Variants in DENND4C observed in about 807,000 individuals in gnomAD.
DENND4C encodes the protein DENN domain containing 4C, also known as DENN domain-containing protein 4C.
Under a neutral mutation model 203.0 loss-of-function variants are expected in DENND4C, and 108 were observed. That is an observed-to-expected ratio of 0.53 (90% CI 0.46 to 0.62). The LOEUF (loss-of-function observed/expected upper bound fraction) is 0.62. DENND4C is among the 20% of genes least tolerant of loss of function. The pLI is 0.00. For synonymous variants in DENND4C, 871 were observed against 792.4 expected (o/e 1.10, Z -1.67); for missense variants, 2,481 against 2,301.2 (o/e 1.08, Z -1.60).
Position 19,352,513 on chromosome 9 carries a change from G to A in DENND4C, c.4629G>A (p.Gln1543=), listed in dbSNP as rs140547280. ...AGGTTTTGATGTCCAGTTGTTCACA[G>A]TGTAGAGCTTGTGGAGCTTTAGTTT... is the stretch of plus-strand genomic sequence containing the variant. ...AMEVLMSSCS[Q]CRACGALVYD... is the part of the protein sequence containing the mutation. The change falls in exon 26 of 33, where the codon CAG becomes CAA. Residue 1543 remains glutamine, a synonymous_variant. Transcript: ENST00000434457. 5 of 1,612,506 alleles carry A rather than the reference G, an allele frequency of 3.1e-6. No individual in the cohort carries two copies. In the South Asian group the frequency reaches 3.3e-5, roughly 11 times the overall value.
At chr9:19,321,660 C>T (rs912510116) in intron 12 of DENND4C, among the ~76,000 whole-genome samples, 1 of 151,756 alleles carries the variant, frequency 6.6e-6, no homozygotes, top group Non-Finnish European at 1.5e-5. Flanking sequence ...GCCTGGCAAA[C>T]ATGGCGAAAC....
chr9:19,332,140 G>A lies in DENND4C; in HGVS notation c.2416G>A (p.Val806Ile), dbSNP rs1819361256. The change falls in exon 17 of 33, where the codon GTA becomes ATA. Residue 806 changes from valine (V) to isoleucine (I), a missense_variant. Coordinates refer to ENST00000434457, the MANE Select transcript of DENND4C (RefSeq NM_001330640.2). ...KVRALQQAYD[V>I]LIKMRKTDVD... ...CAGAGCACTTCAGCAGGCATATGAT[G>A]TACTTATTAAGATGAGGAAAACAGA... is the stretch of plus-strand genomic sequence containing the variant. 5.6e-6 allele frequency: 9 copies of A among 1,614,010 alleles called. No homozygotes were observed. Among genetic ancestry groups the A allele is most frequent in the Middle Eastern group, 1.7e-4 (1 of 6,060 alleles).
At chr9:19,236,239 G>A (rs1335823106) in intron 1 of DENND4C, among the ~76,000 whole-genome samples, 3 of 152,106 alleles carry the variant, frequency 2.0e-5, no homozygotes, top group Admixed American at 6.6e-5. Context: ...AGGTTAAACA[G>A]CCCTATAAAT....
At chr9:19,244,088 T>C (rs1040606461) in intron 1 of DENND4C, among the ~76,000 whole-genome samples, 1 of 152,248 alleles carries the variant, frequency 6.6e-6, no homozygotes, top group East Asian at 1.9e-4. Flanking sequence ...TGAAGTGCAG[T>C]GGCGCAATCT....
chr9:19,347,111 C>G, intron 23 of DENND4C, 25 bp downstream of exon 23: 2 of 1,581,364 alleles, frequency 1.3e-6, no homozygotes, highest in African/African-American at 1.4e-5. Context: ...TGTGTGTAGT[C>G]TGTCTGCTAT....
At chr9:19,276,522 T>C in intron 2 of DENND4C, 43 bp downstream of exon 2, 1 of 1,133,070 alleles carries the variant, frequency 8.8e-7, no homozygotes, top group Non-Finnish European at 1.1e-6. Context: ...GGAGTAAAAT[T>C]TATTTAAGGG....
chr9:19,342,824 T>C (rs1010651208), intron 22 of DENND4C, 45 bp downstream of exon 22: 2 of 1,445,324 alleles, frequency 1.4e-6, no homozygotes, highest in African/African-American at 2.9e-5. Context: ...AATATACTTT[T>C]ATAGACTCAT....
At chr9:19,247,516 C>T (rs1825587559) in intron 1 of DENND4C, among the ~76,000 whole-genome samples, 1 of 152,188 alleles carries the variant, frequency 6.6e-6, no homozygotes, top group African/African-American at 2.4e-5. Context: ...CTGCCTCAGC[C>T]TCCTGAGTAG....
chr9:19,299,021 A>G (rs1325764179), intron 7 of DENND4C, among the ~76,000 whole-genome samples: 1 of 152,158 alleles, frequency 6.6e-6, no homozygotes, highest in Admixed American at 6.5e-5. Flanking sequence ...CATTTAATGA[A>G]AAAGAACTAA....
intron 26 of DENND4C, among the ~76,000 whole-genome samples, chr9:19,354,867 T>TGTTCTA (rs1825028584): frequency 3.3e-5 from 5 of 151,398 alleles, no homozygotes; most frequent in Non-Finnish European, 7.4e-5. Context: ...TTTCTATGAA[T>TGTTCTA]TGGTTGCTTA....
At chr9:19,351,175 T>G (rs991802530) in intron 24 of DENND4C, among the ~76,000 whole-genome samples, 4 of 152,220 alleles carry the variant, frequency 2.6e-5, no homozygotes, top group African/African-American at 9.7e-5. Flanking sequence ...ATTCTGATCT[T>G]GTATGATTTA....
intron 5 of DENND4C, among the ~76,000 whole-genome samples, chr9:19,292,953 A>G (rs775932062): frequency 6.6e-6 from 1 of 152,244 alleles, no homozygotes; most frequent in Non-Finnish European, 1.5e-5. Context: ...ACCTCATTCT[A>G]CAGGTACAGG....
rs1752639371 is a variant in DENND4C at position 19,291,021 on chromosome 9, A to T, written c.801+145A>T. The T allele has an allele frequency of 6.3e-6, 5 of 788,054 alleles. No individual in the cohort carries two copies. In the African/African-American group the frequency reaches 8.7e-5, roughly 14 times the overall value. 48.8% of individuals were successfully genotyped at this position (788,054 alleles called of 1,614,324 possible). ...TTACACTGTCATCCCCAAGGTGAGA[A>T]ATCAACATGAAAATTGCTATCAGGA... On this transcript the variant is annotated intron_variant, in intron 5 of 32. Transcript: ENST00000434457.
At chr9:19,270,288 A>G (rs1831373156) in intron 1 of DENND4C, among the ~76,000 whole-genome samples, 1 of 152,166 alleles carries the variant, frequency 6.6e-6, no homozygotes, top group African/African-American at 2.4e-5. Context: ...TTCAAGGCCC[A>G]AGGGCTCTTT....
chr9:19,251,232 C>A (rs1163207274), intron 1 of DENND4C, among the ~76,000 whole-genome samples: 2 of 152,256 alleles, frequency 1.3e-5, no homozygotes, highest in Non-Finnish European at 2.9e-5. Context: ...CATGTGGAAG[C>A]TTCCAAGGCT....
In DENND4C at chr9:19,331,990, G is replaced by T. The variant is rs1819324599; in HGVS notation, c.2266G>T (p.Ala756Ser). 1 of 1,613,174 alleles carries T rather than the reference G, an allele frequency of 6.2e-7. No individual in the cohort carries two copies. Among genetic ancestry groups the T allele is most frequent in the Non-Finnish European group, 8.5e-7 (1 of 1,179,634 alleles). ...ATTCTCTTTCTAGGAAATAAAAACA[G>T]CTCATAAATTGGCGAAGAGATGTTA... ...AKRTKQEIKT[A>S]HKLAKRCYTN... Residue 756 changes from alanine (A) to serine (S), a missense_variant, in exon 17 of 33, where the codon GCT (alanine) becomes TCT (serine). Ala to Ser is a moderately conservative substitution (Grantham distance 99). This residue lies in a region of DENND4C where 2,289 missense variants were observed against 2,113.3 expected (regional missense o/e 1.08). Coordinates refer to ENST00000434457, the MANE Select transcript of DENND4C (RefSeq NM_001330640.2).
At chr9:19,266,251 A>G (rs1003912009) in intron 1 of DENND4C, among the ~76,000 whole-genome samples, 2 of 152,146 alleles carry the variant, frequency 1.3e-5, no homozygotes, top group Non-Finnish European at 1.5e-5. Flanking sequence ...GCATAAATAT[A>G]TCTTCTTTTG....
intron 26 of DENND4C, among the ~76,000 whole-genome samples, chr9:19,356,551 A>C (rs953766056): frequency 1.3e-5 from 2 of 152,192 alleles, no homozygotes; most frequent in Admixed American, 6.5e-5. Context: ...AAGTGATAAA[A>C]GACATTATAA....
chr9:19,236,002 T>C lies in DENND4C; in HGVS notation c.-18+5169T>C, dbSNP rs565739189. 1.9e-4 allele frequency among the ~76,000 whole-genome samples: 29 copies of C among 152,138 alleles called. 1 individual carries two copies. The highest frequency in any genetic ancestry group is 6.7e-4 in the African/African-American group (28 of 41,544). The stretch of plus-strand genomic sequence containing the variant: ...TTCTTTGTTATGTTTTTATTTCTTT[T>C]TTTTTTCATTTTATTAGCCAGGAGA... On this transcript the variant is annotated intron_variant, in intron 1 of 32. Transcript: ENST00000434457.
Sources: allele counts gnomAD v4.1 joint callset (sites outside exome capture counted in the v4.1 genomes callset), GRCh38; gene constraint gnomAD v4.1.1; regional missense constraint gnomAD v4.1.1; transcripts MANE v1.5; gene names NCBI Gene and HGNC (gene_info 2026-07-23, HGNC 2026-07-21).